EIF4A2: variants seen among roughly 807,000 people sequenced by gnomAD.
The protein encoded by EIF4A2 is eukaryotic initiation factor 4A-II.
EIF4A2 carries 9 observed loss-of-function variants against 50.6 expected under a neutral mutation model. The ratio of observed to expected loss-of-function variants is 0.18; its 90% CI spans 0.11 to 0.31. The LOEUF is 0.31. EIF4A2 is among the 10% of genes least tolerant of loss of function. The pLI is 1.00. For missense variants in EIF4A2, 182 were observed against 501.8 expected, an observed-to-expected ratio of 0.36 and a Z score of 6.09; for synonymous variants, 215 against 164.4, an observed-to-expected ratio of 1.31 and a Z score of -2.35.
rs201734832 is a variant in EIF4A2, at chr3:186,786,083, T to A, written c.517+32T>A. The stretch of plus-strand genomic sequence containing the variant: ...ATTGTCTTTAAGAGAGTATTTTTTT[T>A]AAAACTGTTAACATAGTTGAAAAGT... On this transcript the variant is annotated intron_variant, in intron 5 of 10. Transcript: ENST00000323963. 7.1e-5 allele frequency: 114 copies of A among 1,599,194 alleles called. 1 individual carries two copies. The African/African-American group carries it at 8.2e-4, about 11-fold the overall frequency.
intron 7 of EIF4A2, chr3:186,786,885 T>C (rs758809075): frequency 1.1e-6 from 1 of 888,642 alleles, no homozygotes; most frequent in Non-Finnish European, 1.9e-6. Context: ...TTAATTTTTA[T>C]AATTTCTACG....
At chr3:186,784,023 T>C (rs1212466922) in intron 1 of EIF4A2, 1 of 404,670 alleles carries the variant, frequency 2.5e-6, no homozygotes, top group African/African-American at 2.0e-5. Context: ...AGGCTTTACT[T>C]GGGGAAGGGT....
rs767921628 is a variant in EIF4A2, at chr3:186,789,320, A to G, written c.*51A>G. The G allele has an allele frequency of 6.4e-7, 1 of 1,568,232 alleles. No individual in the cohort carries two copies. Among genetic ancestry groups the G allele is most frequent in the Non-Finnish European group, 8.6e-7 (1 of 1,156,440 alleles). The stretch of plus-strand genomic sequence containing the variant: ...AGTGCTCGCTGTTGCTGAATAGGCG[A>G]TCACAACGTGCATTGTGCTTCTTTC... On this transcript the variant is annotated 3_prime_UTR_variant, in exon 11 of 11. Coordinates refer to ENST00000323963, the MANE Select transcript of EIF4A2 (RefSeq NM_001967.4).
intron 8 of EIF4A2, 98 bp downstream of exon 8, chr3:186,787,362 T>TA (rs1360990220): frequency 7.4e-6 from 12 of 1,611,754 alleles, no homozygotes; most frequent in Middle Eastern, 1.7e-4. Flanking sequence ...CTGCTTAAAA[T>TA]AAAGTTGTTT....
Position 186,789,303 on chromosome 3 carries a change from C to T in EIF4A2, c.*34C>T, listed in dbSNP as rs1275159734. Reference sequence around the variant, plus strand: ...ATGAGAGTTTTGGATGCAGTGCTCGCTGTTGCTGAATAGGCGATCACAACG... The same window carrying T: ...ATGAGAGTTTTGGATGCAGTGCTCGTTGTTGCTGAATAGGCGATCACAACG... On this transcript the variant is annotated 3_prime_UTR_variant, in exon 11 of 11. Coordinates refer to ENST00000323963, the MANE Select transcript of EIF4A2 (RefSeq NM_001967.4). 6.3e-7 allele frequency: 1 copy of T among 1,584,220 alleles called. No individual in the cohort carries two copies. The highest frequency in any genetic ancestry group is 2.3e-5 in the East Asian group (1 of 44,084).
chr3:186,786,477 T>C, intron 6 of EIF4A2, 25 bp from the exon 7 acceptor site: 1 of 1,609,196 alleles, frequency 6.2e-7, no homozygotes, highest in Non-Finnish European at 8.5e-7. Flanking sequence ...TAAGTTGTGC[T>C]ACAACATAAT....
rs1272947657 is a variant in EIF4A2 at position 186,787,890 on chromosome 3, G to A, written c.1079+8G>A. 3.1e-6 allele frequency: 5 copies of A among 1,613,426 alleles called. No individual in the cohort carries two copies. The highest frequency in any genetic ancestry group is 1.7e-5 in the Admixed American group (1 of 59,994). Reference sequence around the variant, plus strand: ...TGAAAACTATATTCACAGGTGAGAAGCCAGCATCTTGGCTGTATTGAAAAA... The same window carrying A: ...TGAAAACTATATTCACAGGTGAGAAACCAGCATCTTGGCTGTATTGAAAAA... On this transcript the variant is annotated splice_region_variant and intron_variant, in intron 10 of 10. Coordinates refer to ENST00000323963, the MANE Select transcript of EIF4A2 (RefSeq NM_001967.4).
chr3:186,789,229 C>CGA lies in EIF4A2; in HGVS notation c.1184_1185insGA (p.Val396LysfsTer7). On this transcript the variant is annotated frameshift_variant, in exon 11 of 11. Coordinates refer to ENST00000323963, the MANE Select transcript of EIF4A2 (RefSeq NM_001967.4). LOFTEE classifies it high-confidence loss of function. ...GACATTGAGACTTTCTACAATACTA[C>CGA]AGTGGAGGAGATGCCCATGAATGTG... The CGA allele has an allele frequency of 6.2e-7, 1 of 1,612,156 alleles. No individual in the cohort carries two copies. Among genetic ancestry groups the CGA allele is most frequent in the Non-Finnish European group, 8.5e-7 (1 of 1,179,474 alleles).
In EIF4A2 at chr3:186,787,153, C is replaced by T. The variant is rs1402198188; in HGVS notation, c.798C>T (p.Asp266=). The T allele has an allele frequency of 6.2e-7, 1 of 1,613,922 alleles. No individual in the cohort carries two copies. The highest frequency in any genetic ancestry group is 8.5e-7 in the Non-Finnish European group (1 of 1,179,976). Residue 266 remains aspartate, a synonymous_variant, in exon 8 of 11, where the codon GAC becomes GAT. Coordinates refer to ENST00000323963, the MANE Select transcript of EIF4A2 (RefSeq NM_001967.4). The stretch of plus-strand genomic sequence containing the variant: ...AATGGAAGTTGGATACACTTTGTGA[C>T]TTGTACGAGACACTGACCATTACAC... The part of the protein sequence containing the change: ...REEWKLDTLC[D]LYETLTITQA...
rs1406419091 is a variant in EIF4A2, at chr3:186,789,228, A to G, written c.1183A>G (p.Thr395Ala). The change falls in exon 11 of 11, where the codon ACA (threonine) becomes GCA (alanine). Residue 395 changes from threonine (T) to alanine (A), a missense_variant. Thr to Ala is a moderately conservative substitution (Grantham distance 58). Coordinates refer to ENST00000323963, the MANE Select transcript of EIF4A2 (RefSeq NM_001967.4). ...TGACATTGAGACTTTCTACAATACT[A>G]CAGTGGAGGAGATGCCCATGAATGT... ...LRDIETFYNT[T>A]VEEMPMNVAD... 1.2e-6 allele frequency: 2 copies of G among 1,612,202 alleles called. No individual in the cohort carries two copies. Among genetic ancestry groups the G allele is most frequent in the African/African-American group, 2.7e-5 (2 of 74,966 alleles).
intron 4 of EIF4A2, chr3:186,785,614 A>G (rs1721652491): frequency 9.5e-6 from 4 of 419,346 alleles, no homozygotes; most frequent in Non-Finnish European, 1.7e-5. Context: ...CCCTACCTAC[A>G]GTGAAGAATA....
chr3:186,784,459 C>T lies in EIF4A2; in HGVS notation c.57C>T (p.Asp19=), dbSNP rs1247067804. The T allele has an allele frequency of 1.2e-6, 2 of 1,614,046 alleles. No homozygotes were observed. Among genetic ancestry groups the T allele is most frequent in the South Asian group, 2.2e-5 (2 of 91,088 alleles). ...AACATGGCGGCCCAGAGGGAATGGA[C>T]CCCGATGGTGTCATCGAGGTAAGAA... The part of the protein sequence containing the change: ...NREHGGPEGM[D]PDGVIESNWN... The change falls in exon 2 of 11, where the codon GAC becomes GAT. Residue 19 remains aspartate (D), a synonymous_variant. Transcript: ENST00000323963.
At position 186,789,220 on chromosome 3, in the gene EIF4A2, A is replaced by G. The variant is rs554887819; in HGVS notation, c.1175A>G (p.Tyr392Cys). 2 of 1,613,114 alleles carry G rather than the reference A, an allele frequency of 1.2e-6. No homozygotes were observed. The highest frequency in any genetic ancestry group is 1.7e-6 in the Non-Finnish European group (2 of 1,179,782). ...ATTCTTCGTGACATTGAGACTTTCT[A>G]CAATACTACAGTGGAGGAGATGCCC... ...KRILRDIETF[Y>C]NTTVEEMPMN... The change falls in exon 11 of 11, where the codon TAC (tyrosine) becomes TGC (cysteine). Residue 392 changes from tyrosine (Y) to cysteine (C), a missense_variant. This residue lies in a region of EIF4A2 where 17 missense variants were observed against 19.3 expected (regional missense o/e 0.88). Transcript: ENST00000323963.
chr3:186,788,514 C>T (rs949718268), intron 10 of EIF4A2: 57 of 1,036,924 alleles, frequency 5.5e-5, no homozygotes, highest in Non-Finnish European at 6.8e-5. Flanking sequence ...TATTAGGGAA[C>T]CTTTCTTATT....
intron 9 of EIF4A2, 54 bp downstream of exon 9, chr3:186,787,638 C>T (rs1239539429): frequency 1.2e-6 from 2 of 1,609,448 alleles, no homozygotes; most frequent in Middle Eastern, 1.7e-4. Context: ...TTTTGGGGGG[C>T]AGGTTTTTAA....
intron 7 of EIF4A2, chr3:186,786,880 T>C (rs750567442): frequency 2.3e-6 from 2 of 888,754 alleles, no homozygotes; most frequent in African/African-American, 3.3e-5. Context: ...TGAAGTTAAT[T>C]TTTATAATTT....
At position 186,789,677 on chromosome 3, in the gene EIF4A2, G is replaced by A. The variant is rs1283182598; in HGVS notation, c.*408G>A. The A allele has an allele frequency of 1.6e-5, 6 of 371,706 alleles. No homozygotes were observed. Among genetic ancestry groups the A allele is most frequent in the Admixed American group, 1.3e-4 (3 of 23,232 alleles). 23.0% of individuals were successfully genotyped at this position (371,706 alleles called of 1,614,324 possible). A position where few individuals can be genotyped will look rare whatever the true frequency, so the allele number is the denominator to read the frequency against. On this transcript the variant is annotated 3_prime_UTR_variant, in exon 11 of 11. Coordinates refer to ENST00000323963, the MANE Select transcript of EIF4A2 (RefSeq NM_001967.4). ...TTTATTGTGTTTGTCATTAGCCTGA[G>A]TAGAAAGGCCTTTAAAATTTTTTTA...
intron 10 of EIF4A2, chr3:186,788,447 A>G (rs920145706): frequency 1.6e-6 from 2 of 1,233,364 alleles, no homozygotes; most frequent in Non-Finnish European, 2.1e-6. Flanking sequence ...TTCTTTTGTC[A>G]TGATTATTTG....
At chr3:186,786,401 C>A (rs1579161148) in intron 6 of EIF4A2, 101 bp from the exon 7 acceptor site, 2 of 1,542,670 alleles carry the variant, frequency 1.3e-6, no homozygotes, top group African/African-American at 1.4e-5. Flanking sequence ...ATAACTCTGT[C>A]TACCTTCATT....
Sources: allele counts gnomAD v4.1 joint callset, GRCh38; gene constraint gnomAD v4.1.1; regional missense constraint gnomAD v4.1.1; transcripts MANE v1.5; gene names NCBI Gene and HGNC (gene_info 2026-07-23, HGNC 2026-07-21).